The following FN1 variants were observed in gnomAD, a reference collection of about 807,000 sequenced individuals.
FN1 encodes the protein fibronectin 1, also known as fibronectin.
Under a neutral mutation model 297.3 loss-of-function variants are expected in FN1, and 106 were observed. The ratio of observed to expected loss-of-function variants is 0.36; its 90% CI spans 0.30 to 0.42. The LOEUF (loss-of-function observed/expected upper bound fraction) is 0.42. Among genes scored for constraint, FN1 ranks in the 10% least tolerant of loss-of-function variants. The probability of loss-of-function intolerance (pLI) is 1.00; values close to 1 mark genes in which losing one functional copy is unlikely to be tolerated. For synonymous variants in FN1, 1,149 were observed against 1,152.6 expected (o/e 1.00, Z 0.06); for missense variants, 2,690 against 3,124.9 (o/e 0.86, Z 3.32).
chr2:215,422,198 A>G lies in FN1; in HGVS notation c.1439T>C (p.Ile480Thr), dbSNP rs1353938274. The G allele has an allele frequency of 2.5e-6, 4 of 1,614,080 alleles. No homozygotes were observed. The highest frequency in any genetic ancestry group is 2.2e-5 in the East Asian group (1 of 44,882). ...CTTNEGVMYRIGDQWDKQHDM... is the reference protein window; with the variant it reads ...CTTNEGVMYRTGDQWDKQHDM... ...ATGCTGCTTATCCCACTGATCTCCA[A>G]TGCGGTACATGACCCCTTCATTGGT... The change falls in exon 10 of 46, where the codon ATT becomes ACT. Residue 480 changes from isoleucine (I) to threonine (T), a missense_variant. Ile to Thr is a moderately conservative substitution (Grantham distance 89). Transcript: ENST00000354785.
In FN1 at chr2:215,404,486, T is replaced by A; in HGVS notation, c.3156A>T (p.Pro1052=). ...YNVGPSVSKY[P]LRNLQPASEY... ...CAGATGCAGGCTGCAGATTCCTCAG[T>A]GGGTACTTGGAGACAGAGGGACCCA... Residue 1052 remains proline (P), a synonymous_variant, in exon 20 of 46, where the codon CCA becomes CCT. Coordinates refer to ENST00000354785, the MANE Select transcript of FN1 (RefSeq NM_212482.4). 6.2e-7 allele frequency: 1 copy of A among 1,613,682 alleles called. No individual in the cohort carries two copies. The highest frequency in any genetic ancestry group is 8.5e-7 in the Non-Finnish European group (1 of 1,179,872).
At chr2:215,393,404 T>A (rs1345628630) in intron 24 of FN1, 2 of 427,908 alleles carry the variant, frequency 4.7e-6, no homozygotes, top group Non-Finnish European at 8.2e-6. Flanking sequence ...CCTAGAAGAA[T>A]AAACAGGAAT....
chr2:215,375,767 G>A lies in FN1; in HGVS notation c.5888-49C>T, dbSNP rs1395131116. ...TTTAACAGTTCTTGCTTTTTACTAG[G>A]AGAATTCTCAAGCTAGCCTGCAATT... On this transcript the variant is annotated intron_variant, in intron 36 of 45. Coordinates refer to ENST00000354785, the MANE Select transcript of FN1 (RefSeq NM_212482.4). 4.0e-6 allele frequency: 5 copies of A among 1,256,760 alleles called. No homozygotes were observed. In the South Asian group the frequency reaches 6.0e-5, roughly 15 times the overall value. 77.9% of individuals were successfully genotyped at this position (1,256,760 alleles called of 1,614,324 possible).
intron 26 of FN1, among the ~76,000 whole-genome samples, 193 bp downstream of exon 26, chr2:215,391,439 A>T (rs1226474449): frequency 6.6e-6 from 1 of 152,222 alleles, no homozygotes; most frequent in Non-Finnish European, 1.5e-5. Context: ...AAAGCTGTAG[A>T]TATCAAAAGT....
intron 20 of FN1, among the ~76,000 whole-genome samples, chr2:215,401,238 G>GAAA (rs1553629582): frequency 7.3e-5 from 4 of 55,090 alleles, no homozygotes; most frequent in African/African-American, 3.5e-4. Flanking sequence ...AAGAAAGAAA[G>GAAA]AAAGAAAGAA....
At chr2:215,373,528 C>T in intron 38 of FN1, 117 bp from the exon 39 acceptor site, 1 of 819,134 alleles carries the variant, frequency 1.2e-6, no homozygotes, top group Non-Finnish European at 2.1e-6. Context: ...TGGCTGTTGG[C>T]CTCTTGAAGG....
At chr2:215,364,772 A>C in intron 44 of FN1, 107 bp downstream of exon 44, 1 of 753,150 alleles carries the variant, frequency 1.3e-6, no homozygotes, top group Admixed American at 2.0e-5. Flanking sequence ...GTGGTATTTT[A>C]ATACTTCCGA....
chr2:215,378,079 A>AT, intron 35 of FN1, 96 bp downstream of exon 35: 3 of 845,540 alleles, frequency 3.5e-6, no homozygotes, highest in Admixed American at 3.5e-5. Flanking sequence ...AAGTGCTTGG[A>AT]TTTTAGACAT....
chr2:215,390,611 C>T (rs2059605291), intron 26 of FN1, among the ~76,000 whole-genome samples: 1 of 152,192 alleles, frequency 6.6e-6, no homozygotes, highest in Admixed American at 6.5e-5. Context: ...GACAGGTCTA[C>T]GGCTAAGGGA....
In FN1 at chr2:215,410,130, AACAC is replaced by A. The variant is rs5838511; in HGVS notation, c.1942-20_1942-17del. On this transcript the variant is annotated splice_polypyrimidine_tract_variant and intron_variant, in intron 13 of 45. Transcript: ENST00000354785. ...CAGAATTTTTCTGAAAATTTAAATTAACACACACACACACACACACACGTGTTTA... is the reference window on the plus strand; with the variant it reads ...CAGAATTTTTCTGAAAATTTAAATTAACACACACACACACACACGTGTTTA... The A allele has an allele frequency of 3.3e-3, 4,567 of 1,376,036 alleles. No individual in the cohort carries two copies. The East Asian group carries it at 0.034, about 10-fold the overall frequency. The allele number at this position is 1,376,036 out of a possible 1,614,324, so 85.2% of individuals were successfully genotyped here.
At chr2:215,410,414 C>T (rs1052830671) in intron 13 of FN1, among the ~76,000 whole-genome samples, 1 of 151,908 alleles carries the variant, frequency 6.6e-6, no homozygotes, top group African/African-American at 2.4e-5. Flanking sequence ...GATGATAAGG[C>T]AATGGCATTG....
chr2:215,401,244 AAG>A (rs1491091525), intron 20 of FN1, among the ~76,000 whole-genome samples: 3 of 60,044 alleles, frequency 5.0e-5, no homozygotes, highest in Non-Finnish European at 8.2e-5. Flanking sequence ...GAAAGAAAGA[AAG>A]AAAGGAAGAA....
At chr2:215,408,267 A>G in intron 16 of FN1, 31 bp downstream of exon 16, 2 of 1,614,086 alleles carry the variant, frequency 1.2e-6, no homozygotes, top group Non-Finnish European at 1.7e-6. Context: ...ACAGAAAAAG[A>G]TTCTTTTAAC....
chr2:215,388,235 G>A lies in FN1; in HGVS notation c.4319C>T (p.Pro1440Leu), dbSNP rs771823497. 9 of 1,613,762 alleles carry A rather than the reference G, an allele frequency of 5.6e-6. No individual in the cohort carries two copies. The highest frequency in any genetic ancestry group is 1.7e-5 in the Admixed American group (1 of 60,020). Residue 1440 changes from proline (P) to leucine (L), a missense_variant, in exon 27 of 46, where the codon CCT (proline) becomes CTT (leucine). Around this residue, in one of 3 missense-constraint regions of FN1, gnomAD observed 1,743 missense variants for 1,945.2 expected, o/e 0.90. Transcript: ENST00000354785. ...SSVYEQHEST[P>L]LRGRQKTGLD... ...ACCTGTTTTCTGTCTTCCTCTAAGA[G>A]GTGTGCTCTCATGTTGTTCGTAGAC...
rs2056301741 is a variant in FN1 at position 215,372,057 on chromosome 2, A to G, written c.6566T>C (p.Leu2189Pro). ...HIPREDVDYHLYPHGPGLNPN... is the reference protein window; with the variant it reads ...HIPREDVDYHPYPHGPGLNPN... ...ATTGAGTCCCGGACCGTGTGGGTAC[A>G]GGTGATAGTCTACATCTTCCCTGGG... The change falls in exon 40 of 46, where the codon CTG (leucine) becomes CCG (proline). Residue 2189 changes from leucine (L) to proline (P), a missense_variant. Leu to Pro is a moderately conservative substitution (Grantham distance 98). Transcript: ENST00000354785. 4 of 1,614,232 alleles carry G rather than the reference A, an allele frequency of 2.5e-6. No homozygotes were observed. Among genetic ancestry groups the G allele is most frequent in the Non-Finnish European group, 3.4e-6 (4 of 1,180,038 alleles).
Position 215,361,563 on chromosome 2 carries a change from G to C in FN1, c.7426C>G (p.Arg2476Gly). The C allele has an allele frequency of 6.2e-7, 1 of 1,603,944 alleles. No homozygotes were observed. The highest frequency in any genetic ancestry group is 8.5e-7 in the Non-Finnish European group (1 of 1,170,826). The change falls in exon 46 of 46, where the codon CGA (arginine) becomes GGA (glycine). Residue 2476 changes from arginine (R) to glycine (G), a missense_variant. Around this residue, in one of 3 missense-constraint regions of FN1, gnomAD observed 1,743 missense variants for 1,945.2 expected, o/e 0.90. Coordinates refer to ENST00000354785, the MANE Select transcript of FN1 (RefSeq NM_212482.4). The stretch of plus-strand genomic sequence containing the variant: ...TGGATTGGAAAGATGATTTACTCTC[G>C]GGAATCTTCTCTGTCAGCCTGTACA... ...LDVQADREDS[R>G]E
chr2:215,377,691 G>A (rs945329643), intron 35 of FN1, among the ~76,000 whole-genome samples: 4 of 151,628 alleles, frequency 2.6e-5, no homozygotes, highest in African/African-American at 9.7e-5. Flanking sequence ...TGCAAGAATG[G>A]CCTAATATGC....
rs2058594585 is a variant in FN1, at chr2:215,384,142, T to A, written c.4772A>T (p.Lys1591Met). 1.2e-6 allele frequency: 2 copies of A among 1,614,144 alleles called. No individual in the cohort carries two copies. The highest frequency in any genetic ancestry group is 2.2e-5 in the East Asian group (1 of 44,878). Residue 1591 changes from lysine to methionine, a missense_variant, in exon 30 of 46, where the codon AAG (lysine) becomes ATG (methionine). By Grantham distance (95) the Lys-to-Met change is moderately conservative. This residue lies in a region of FN1 where 1,743 missense variants were observed against 1,945.2 expected (regional missense o/e 0.90). Coordinates refer to ENST00000354785, the MANE Select transcript of FN1 (RefSeq NM_212482.4). ...PVQEFTVPGS[K>M]STATISGLKP... ...AAGGCCGCTGATGGTAGCTGTAGAC[T>A]TGCTCCCAGGCACAGTGAACTCCTG...
chr2:215,371,527 AAG>A (rs1263868666), intron 40 of FN1, among the ~76,000 whole-genome samples: 32 of 151,936 alleles, frequency 2.1e-4, no homozygotes, highest in Non-Finnish European at 4.4e-5. Flanking sequence ...GTGTGAGAAT[AAG>A]AGAAATAGTT....
Sources: gnomAD v4.1 joint callset for allele counts (sites outside exome capture counted in the v4.1 genomes callset) on GRCh38, gnomAD v4.1.1 for gene constraint, gnomAD v4.1.1 regional missense constraint, MANE v1.5 for transcripts, NCBI Gene and HGNC (gene_info 2026-07-23, HGNC 2026-07-21) for gene names.